P2RX1: variants seen among roughly 807,000 people sequenced by gnomAD.
The protein encoded by P2RX1 is purinergic receptor P2X 1.
A neutral mutation model predicts 50.3 loss-of-function variants in P2RX1; 42 were observed. The ratio of observed to expected loss-of-function variants is 0.83; its 90% CI spans 0.65 to 1.08. The LOEUF (loss-of-function observed/expected upper bound fraction) is 1.08. Among genes scored for constraint, P2RX1 ranks in the 50% least tolerant of loss-of-function variants. The probability of loss-of-function intolerance (pLI) is 0.00; values close to 1 mark genes in which losing one functional copy is unlikely to be tolerated. For synonymous variants in P2RX1, 199 were observed against 202.6 expected, an observed-to-expected ratio of 0.98 and a Z score of 0.15; for missense variants, 449 against 529.0, an observed-to-expected ratio of 0.85 and a Z score of 1.48.
In P2RX1 at chr17:3,903,429, G is replaced by A; in HGVS notation, c.606-86C>T. 6.3e-7 allele frequency: 1 copy of A among 1,593,500 alleles called. No homozygotes were observed. The highest frequency in any genetic ancestry group is 8.6e-7 in the Non-Finnish European group (1 of 1,164,728). ...CCCAAAGCCTGGGGACCCCTCACAGGCTCCACATTGCCCCTTTGATTCCTT... is the reference window on the plus strand; with the variant it reads ...CCCAAAGCCTGGGGACCCCTCACAGACTCCACATTGCCCCTTTGATTCCTT... On this transcript the variant is annotated intron_variant, in intron 6 of 11. Transcript: ENST00000225538. This position sits in a 1 kb window ranked among gnomAD's most constrained non-coding sequence, Gnocchi z 4.6.
At chr17:3,915,549 C>T (rs749008185) in intron 1 of P2RX1, 75 of 456,574 alleles carry the variant, frequency 1.6e-4, no homozygotes, top group Non-Finnish European at 2.6e-4. Context: ...CTCTGTCCTC[C>T]GCCTGACATG....
rs562421337 is a variant in P2RX1 at position 3,913,131 on chromosome 17, T to C, written c.137+2958A>G. Among the ~76,000 whole-genome samples the C allele has an allele frequency of 2.1e-3, 287 of 139,060 alleles. 1 individual carries two copies. Among genetic ancestry groups the C allele is most frequent in the African/African-American group, 8.0e-3 (265 of 33,066 alleles). 91.2% of individuals were successfully genotyped at this position (139,060 alleles called of 152,430 possible). Reference sequence around the variant, plus strand: ...TCGGGGAGAGCTCTAACTGAGACCATCTTTTTTTTTTTTTTTTTGAGATGG... The same window carrying C: ...TCGGGGAGAGCTCTAACTGAGACCACCTTTTTTTTTTTTTTTTTGAGATGG... On this transcript the variant is annotated intron_variant, in intron 1 of 11. Transcript: ENST00000225538.
intron 7 of P2RX1, among the ~76,000 whole-genome samples, chr17:3,900,092 T>C (rs1383820879): frequency 2.8e-5 from 4 of 144,856 alleles, no homozygotes; most frequent in Non-Finnish European, 6.0e-5. Context: ...AGAGCCAGAC[T>C]CTGTCTCAAA....
chr17:3,903,359 G>T lies in P2RX1; in HGVS notation c.606-16C>A. On this transcript the variant is annotated splice_polypyrimidine_tract_variant and intron_variant, in intron 6 of 11. Coordinates refer to ENST00000225538, the MANE Select transcript of P2RX1 (RefSeq NM_002558.4). The surrounding 1 kb of genome is among the most constrained non-coding windows in gnomAD (Gnocchi z 4.6). ...CAGGTTGCGCCTGTGGGGGTGGAAG[G>T]TGTTGACAGCTGCTGTGTGTCATCC... 6.2e-7 allele frequency: 1 copy of T among 1,613,972 alleles called. No individual in the cohort carries two copies. The highest frequency in any genetic ancestry group is 8.5e-7 in the Non-Finnish European group (1 of 1,180,028).
chr17:3,906,349 T>G (rs866400813), intron 1 of P2RX1, among the ~76,000 whole-genome samples: 11 of 152,276 alleles, frequency 7.2e-5, no homozygotes, highest in African/African-American at 2.2e-4. Flanking sequence ...GCCAGGATGT[T>G]CTCGATCTCT....
chr17:3,915,385 C>T (rs1459575414), intron 1 of P2RX1: 1 of 448,104 alleles, frequency 2.2e-6, no homozygotes, highest in Admixed American at 2.4e-5. Context: ...TGCACACTCA[C>T]AAGTGTGCCA....
intron 1 of P2RX1, among the ~76,000 whole-genome samples, chr17:3,910,837 G>GT (rs1389295155): frequency 6.6e-6 from 1 of 152,170 alleles, no homozygotes; most frequent in Non-Finnish European, 1.5e-5. Flanking sequence ...ATCTTGGTTT[G>GT]TTTTGTTCAC....
intron 11 of P2RX1, 49 bp from the exon 12 acceptor site, chr17:3,897,928 G>A (rs1485584428): frequency 1.2e-6 from 2 of 1,610,700 alleles, no homozygotes; most frequent in South Asian, 1.1e-5. Flanking sequence ...TGCTGGGGAA[G>A]CAGCTGCCCA....
chr17:3,897,884 G>A lies in P2RX1; in HGVS notation c.1135-5C>T, dbSNP rs1393211134. 13 of 1,614,024 alleles carry A rather than the reference G, an allele frequency of 8.1e-6. No individual in the cohort carries two copies. Among genetic ancestry groups the A allele is most frequent in the Admixed American group, 1.7e-5 (1 of 60,016 alleles). ...AGCTGCGAGGTCACGCTCAGCCTGT[G>A]TACGTGGTGCAAGGGTTGGGGGATA... is the stretch of plus-strand genomic sequence containing the variant. On this transcript the variant is annotated splice_polypyrimidine_tract_variant and splice_region_variant and intron_variant, in intron 11 of 11. Coordinates refer to ENST00000225538, the MANE Select transcript of P2RX1 (RefSeq NM_002558.4).
chr17:3,899,783 A>C (rs1239381202), intron 7 of P2RX1, 22 bp from the exon 8 acceptor site: 4 of 1,612,158 alleles, frequency 2.5e-6, no homozygotes, highest in Admixed American at 3.3e-5. Flanking sequence ...ACAAGTAGTT[A>C]AGATCTGGGA....
chr17:3,904,916 A>T lies in P2RX1; in HGVS notation c.299T>A (p.Phe100Tyr). The change falls in exon 3 of 12, where the codon TTC becomes TAC. Residue 100 changes from phenylalanine (F) to tyrosine (Y), a missense_variant. By Grantham distance (22) the Phe-to-Tyr change is conservative (BLOSUM62 3). Coordinates refer to ENST00000225538, the MANE Select transcript of P2RX1 (RefSeq NM_002558.4). ...YVFPAQGDNSFVVMTNFIVTP... is the reference protein window; with the variant it reads ...YVFPAQGDNSYVVMTNFIVTP... Reference sequence around the variant, plus strand: ...CACGATGAAATTGGTCATGACCACGAAGGAGTTGTCCCCCTAGAAGTGAGG... The same window carrying T: ...CACGATGAAATTGGTCATGACCACGTAGGAGTTGTCCCCCTAGAAGTGAGG... The T allele has an allele frequency of 1.6e-6, 2 of 1,280,600 alleles. No homozygotes were observed. The highest frequency in any genetic ancestry group is 2.1e-6 in the Non-Finnish European group (2 of 951,320). The allele number at this position is 1,280,600 out of a possible 1,614,324, so 79.3% of individuals were successfully genotyped here.
Position 3,903,676 on chromosome 17 carries a change from C to T in P2RX1, c.525-45G>A, listed in dbSNP as rs764215918. ...CTCACCGCCCCTCCCCAGGAGGCCC[C>T]CTGTGTGTCCCACACAGAGCTTGGC... On this transcript the variant is annotated intron_variant, in intron 5 of 11. Coordinates refer to ENST00000225538, the MANE Select transcript of P2RX1 (RefSeq NM_002558.4). The surrounding 1 kb of genome is among the most constrained non-coding windows in gnomAD (Gnocchi z 4.6). 2 of 1,578,328 alleles carry T rather than the reference C, an allele frequency of 1.3e-6. No homozygotes were observed. The highest frequency in any genetic ancestry group is 1.7e-6 in the Non-Finnish European group (2 of 1,148,558).
chr17:3,898,909 C>T, intron 9 of P2RX1, 25 bp downstream of exon 9: 1 of 1,578,820 alleles, frequency 6.3e-7, no homozygotes, highest in Non-Finnish European at 8.7e-7. Flanking sequence ...TCTCAGCTGC[C>T]ACCACCCTCA....
rs1217520057 is a variant in P2RX1, at chr17:3,902,487, G to A, written c.747+715C>T. On this transcript the variant is annotated intron_variant, in intron 7 of 11. Transcript: ENST00000225538. Reference sequence around the variant, plus strand: ...TTTTTTGTATTTTTAGTAGACACGGGGTTTCACCATACTGGTCAGGCTGGT... The same window carrying A: ...TTTTTTGTATTTTTAGTAGACACGGAGTTTCACCATACTGGTCAGGCTGGT... Among the ~76,000 whole-genome samples the A allele has an allele frequency of 3.3e-5, 5 of 151,866 alleles. No individual in the cohort carries two copies. The East Asian group carries it at 9.7e-4, about 29-fold the overall frequency.
rs768551651 is a variant in P2RX1 at position 3,916,216 on chromosome 17, G to T, written c.10C>A (p.Arg4=). Residue 4 remains arginine (R), a synonymous_variant, in exon 1 of 12, where the codon CGG becomes AGG. Coordinates refer to ENST00000225538, the MANE Select transcript of P2RX1 (RefSeq NM_002558.4). MAR[R]FQEELAAFLF... ...AAGGCGGCCAGCTCCTCCTGGAACCGCCGTGCCATGGTGGGCCGGCTGGGG... is the reference window on the plus strand; with the variant it reads ...AAGGCGGCCAGCTCCTCCTGGAACCTCCGTGCCATGGTGGGCCGGCTGGGG... The T allele has an allele frequency of 6.2e-6, 10 of 1,613,072 alleles. No individual in the cohort carries two copies. The highest frequency in any genetic ancestry group is 8.5e-6 in the Non-Finnish European group (10 of 1,179,988).
chr17:3,911,339 T>G (rs1351451073), intron 1 of P2RX1, among the ~76,000 whole-genome samples: 1 of 152,130 alleles, frequency 6.6e-6, no homozygotes, highest in Non-Finnish European at 1.5e-5. Context: ...CACCAATCTC[T>G]AAAAACCAAG....
At chr17:3,901,358 C>G (rs546195091) in intron 7 of P2RX1, among the ~76,000 whole-genome samples, 2 of 152,222 alleles carry the variant, frequency 1.3e-5, no homozygotes, top group African/African-American at 2.4e-5. Context: ...TGAGCCACCG[C>G]ACCCAGCCCT....
Position 3,903,489 on chromosome 17 carries a change from C to T in P2RX1, c.605+62G>A. 6.3e-7 allele frequency: 1 copy of T among 1,596,484 alleles called. No homozygotes were observed. On this transcript the variant is annotated intron_variant, in intron 6 of 11. Transcript: ENST00000225538. The surrounding 1 kb of genome is among the most constrained non-coding windows in gnomAD (Gnocchi z 4.6). ...CAGGAATGGAGGGAGACAGAGACAGCTGAGAGCTGCCGGAGCGGCCCCGGC... is the reference window on the plus strand; with the variant it reads ...CAGGAATGGAGGGAGACAGAGACAGTTGAGAGCTGCCGGAGCGGCCCCGGC...
chr17:3,915,799 A>G (rs111512170), intron 1 of P2RX1: 3 of 557,718 alleles, frequency 5.4e-6, no homozygotes, highest in African/African-American at 3.7e-5. Flanking sequence ...CTGGCCCTGA[A>G]CACCACTAAC....
Sources: gnomAD v4.1 joint callset for allele counts (sites outside exome capture counted in the v4.1 genomes callset) on GRCh38, gnomAD v4.1.1 for gene constraint, Gnocchi (gnomAD v3.1) non-coding constraint, MANE v1.5 for transcripts, NCBI Gene and HGNC (gene_info 2026-07-23, HGNC 2026-07-21) for gene names.